The following IQCM variants were observed in gnomAD, a reference collection of about 807,000 sequenced individuals.
The protein encoded by IQCM is IQ domain-containing protein M.
IQCM carries 45 observed loss-of-function variants against 57.6 expected under a neutral mutation model. That is an observed-to-expected ratio of 0.78 (90% CI 0.62 to 1.00). IQCM has a LOEUF of 1.00. Among genes scored for constraint, IQCM ranks in the 50% least tolerant of loss-of-function variants. The pLI, the probability that IQCM is intolerant of heterozygous loss-of-function variation, is 0.00. For synonymous variants in IQCM, 148 were observed against 158.9 expected (o/e 0.93, Z 0.51); for missense variants, 468 against 511.6 (o/e 0.91, Z 0.82).
chr4:149,449,355 T>C (rs1025983433), intron 12 of IQCM, among the ~76,000 whole-genome samples: 3 of 146,448 alleles, frequency 2.0e-5, no homozygotes, highest in African/African-American at 7.4e-5. Flanking sequence ...TATATGTATA[T>C]ATTATATACA....
At chr4:149,811,751 C>T (rs967731662) in intron 2 of IQCM, among the ~76,000 whole-genome samples, 1 of 152,140 alleles carries the variant, frequency 6.6e-6, no homozygotes, top group African/African-American at 2.4e-5. Context: ...TTTCTCTCTT[C>T]CTGGGCTCCA....
chr4:149,504,321 C>T (rs772748938), intron 12 of IQCM, among the ~76,000 whole-genome samples: 8 of 152,076 alleles, frequency 5.3e-5, no homozygotes, highest in South Asian at 2.1e-4. Context: ...AATGTGCAAC[C>T]GAATTTAAGA....
intron 10 of IQCM, among the ~76,000 whole-genome samples, chr4:149,557,787 A>G (rs1199668128): frequency 6.6e-6 from 1 of 151,992 alleles, no homozygotes; most frequent in African/African-American, 2.4e-5. Context: ...ACCCCCTCCA[A>G]TCTCCTTAAA....
chr4:149,447,170 C>T (rs145044466), intron 12 of IQCM, among the ~76,000 whole-genome samples: 3,503 of 151,456 alleles, frequency 0.023, 202 homozygotes, highest in East Asian at 0.054. Flanking sequence ...GAATGAACCA[C>T]GTAAGGTAGG....
intron 13 of IQCM, among the ~76,000 whole-genome samples, chr4:149,398,621 A>G (rs971976469): frequency 6.6e-6 from 1 of 151,988 alleles, no homozygotes; most frequent in Non-Finnish European, 1.5e-5. Flanking sequence ...TGTAAACAGA[A>G]TTGTTTTCTT....
At chr4:149,490,871 C>G (rs763170133) in intron 12 of IQCM, among the ~76,000 whole-genome samples, 8 of 152,118 alleles carry the variant, frequency 5.3e-5, no homozygotes, top group Non-Finnish European at 1.2e-4. Flanking sequence ...GATTTCTCCA[C>G]ACAAGTGGAC....
intron 9 of IQCM, among the ~76,000 whole-genome samples, chr4:149,575,897 T>G (rs559721696): frequency 6.6e-6 from 1 of 151,922 alleles, no homozygotes; most frequent in Admixed American, 6.6e-5. Flanking sequence ...AGAGGGGTCT[T>G]ATTGTTATTA....
chr4:149,530,144 A>C (rs1015546772), intron 12 of IQCM, among the ~76,000 whole-genome samples: 7 of 152,126 alleles, frequency 4.6e-5, no homozygotes, highest in Non-Finnish European at 2.9e-5. Context: ...CCAAAGAAAA[A>C]TGTCCCCATC....
rs528541429 is a variant in IQCM, at chr4:149,765,135, A to C, written c.-48-22396T>G. 2.0e-5 allele frequency among the ~76,000 whole-genome samples: 3 copies of C among 152,246 alleles called. No homozygotes were observed. The South Asian group carries it at 6.2e-4, about 32-fold the overall frequency. ...TATGAACTATCCTTGAAAAATTTAG[A>C]ATGTGACACATTTAGCTACACTAAT... On this transcript the variant is annotated intron_variant, in intron 2 of 13. Transcript: ENST00000636793.
intron 2 of IQCM, among the ~76,000 whole-genome samples, chr4:149,803,979 T>C (rs546564171): frequency 7.9e-4 from 120 of 151,998 alleles, no homozygotes; most frequent in African/African-American, 2.6e-3. Flanking sequence ...GCTTCTTAGC[T>C]TCTCCCTCCT....
chr4:149,758,454 T>C (rs1307675144), intron 2 of IQCM, among the ~76,000 whole-genome samples: 1 of 152,160 alleles, frequency 6.6e-6, no homozygotes, highest in Non-Finnish European at 1.5e-5. Flanking sequence ...AAGTTATTAT[T>C]CATGAAAAAA....
At chr4:149,427,122 C>G (rs1020731071) in intron 13 of IQCM, among the ~76,000 whole-genome samples, 1 of 151,824 alleles carries the variant, frequency 6.6e-6, no homozygotes, top group Non-Finnish European at 1.5e-5. Flanking sequence ...CATTTGAAAG[C>G]ATTCTATTTG....
At chr4:149,733,017 C>T (rs758059028) in intron 5 of IQCM, among the ~76,000 whole-genome samples, 16 of 152,132 alleles carry the variant, frequency 1.1e-4, no homozygotes, top group Non-Finnish European at 2.2e-4. Context: ...ACATGGCTAA[C>T]AAGTTTTGTT....
At chr4:149,719,375 A>C (rs1765259071) in intron 5 of IQCM, among the ~76,000 whole-genome samples, 1 of 152,098 alleles carries the variant, frequency 6.6e-6, no homozygotes. Context: ...AGAAAAAAGA[A>C]AGGTGTTTCC....
intron 8 of IQCM, among the ~76,000 whole-genome samples, chr4:149,607,977 C>A (rs950128673): frequency 5.3e-5 from 8 of 151,834 alleles, no homozygotes; most frequent in African/African-American, 1.9e-4. Flanking sequence ...ATACATAGAG[C>A]AGCTGAATGG....
At position 149,398,474 on chromosome 4, in the gene IQCM, T is replaced by A. The variant is rs139687287; in HGVS notation, c.1390+34922A>T. Among the ~76,000 whole-genome samples the A allele has an allele frequency of 2.8e-3, 420 of 152,208 alleles. 2 individuals are homozygous for A. Among genetic ancestry groups the A allele is most frequent in the Non-Finnish European group, 4.7e-3 (319 of 67,986 alleles). On this transcript the variant is annotated intron_variant, in intron 13 of 13. Transcript: ENST00000636793. ...AGTATAGACATGTTAACAATAAATA[T>A]TATATCTTCCAATCCATGAACACAG...
chr4:149,663,089 T>C (rs535313321), intron 7 of IQCM, among the ~76,000 whole-genome samples: 4 of 152,162 alleles, frequency 2.6e-5, no homozygotes, highest in African/African-American at 9.6e-5. Flanking sequence ...TCTTTGTGGT[T>C]ACTATGGAAC....
intron 13 of IQCM, among the ~76,000 whole-genome samples, chr4:149,369,818 A>G (rs763794760): frequency 6.6e-6 from 1 of 152,218 alleles, no homozygotes; most frequent in Non-Finnish European, 1.5e-5. Context: ...CATTTAATAG[A>G]CAAACTTTGC....
In IQCM at chr4:149,613,665, C is replaced by T. The variant is rs186828231; in HGVS notation, c.681+7464G>A. On this transcript the variant is annotated intron_variant, in intron 8 of 13. Coordinates refer to ENST00000636793, the MANE Select transcript of IQCM (RefSeq NM_001363507.2). ...ACATGTGCCATGTTGGTGTGCTGCA[C>T]CCATTAACTCGTCATTTAACATTAG... Among the ~76,000 whole-genome samples the T allele has an allele frequency of 2.0e-5, 3 of 152,010 alleles. No individual in the cohort carries two copies. The East Asian group carries it at 5.8e-4, about 30-fold the overall frequency.
Sources: allele counts gnomAD v4.1 joint callset (sites outside exome capture counted in the v4.1 genomes callset), GRCh38; gene constraint gnomAD v4.1.1; transcripts MANE v1.5; gene names NCBI Gene and HGNC (gene_info 2026-07-23, HGNC 2026-07-21).